Variants in PARD3 observed in about 807,000 individuals in gnomAD.
The protein encoded by PARD3 is par-3 family cell polarity regulator.
PARD3 carries 75 observed loss-of-function variants against 155.4 expected under a neutral mutation model. The ratio of observed to expected loss-of-function variants is 0.48; its 90% CI spans 0.40 to 0.58. The LOEUF is 0.58. Ranked by LOEUF, PARD3 falls within the 20% of genes least tolerant of loss-of-function variation. PARD3 has a pLI of 0.00. For missense variants in PARD3, 1,642 were observed against 1,721.7 expected (o/e 0.95, Z 0.82); for synonymous variants, 576 against 610.5 (o/e 0.94, Z 0.83).
chr10:34,340,607 C>T (rs945036967), intron 16 of PARD3, among the ~76,000 whole-genome samples: 1 of 152,012 alleles, frequency 6.6e-6, no homozygotes, highest in African/African-American at 2.4e-5. Flanking sequence ...GTGATTTATT[C>T]CAAGAGAACA....
At chr10:34,777,008 T>C (rs1839661868) in intron 1 of PARD3, among the ~76,000 whole-genome samples, 1 of 147,966 alleles carries the variant, frequency 6.8e-6, no homozygotes, top group Admixed American at 6.7e-5. Flanking sequence ...GGCTAATTTT[T>C]TTTTTTTTTT....
At chr10:34,411,517 C>A (rs1589470689) in intron 5 of PARD3, among the ~76,000 whole-genome samples, 1 of 152,052 alleles carries the variant, frequency 6.6e-6, no homozygotes, top group African/African-American at 2.4e-5. Flanking sequence ...GACTGCTGAG[C>A]TGAGATACTG....
intron 22 of PARD3, among the ~76,000 whole-genome samples, chr10:34,190,414 TTAA>T (rs1950654204): frequency 6.6e-6 from 1 of 152,244 alleles, no homozygotes; most frequent in African/African-American, 2.4e-5. Context: ...ATAATAATAC[TTAA>T]TAAGTTCATT....
intron 22 of PARD3, among the ~76,000 whole-genome samples, chr10:34,213,372 G>A (rs1951846755): frequency 6.6e-6 from 1 of 152,148 alleles, no homozygotes; most frequent in African/African-American, 2.4e-5. Context: ...CTATTCATGA[G>A]GATCTGCCTC....
chr10:34,292,725 T>A (rs2799447), intron 20 of PARD3, among the ~76,000 whole-genome samples: 4,575 of 152,144 alleles, frequency 0.03, 106 homozygotes, highest in Non-Finnish European at 0.047. Context: ...TATTATTATT[T>A]TTTTTTTTAA....
chr10:34,257,150 G>C (rs2133779406), intron 22 of PARD3, among the ~76,000 whole-genome samples: 1 of 152,306 alleles, frequency 6.6e-6, no homozygotes, highest in East Asian at 1.9e-4. Flanking sequence ...CCAAGGAAAA[G>C]CTCTAGAACA....
At chr10:34,488,051 T>C (rs894480835) in intron 3 of PARD3, among the ~76,000 whole-genome samples, 2 of 152,170 alleles carry the variant, frequency 1.3e-5, no homozygotes, top group Admixed American at 6.5e-5. Context: ...AAAAGCGTAA[T>C]CTTTTTCTCT....
intron 1 of PARD3, among the ~76,000 whole-genome samples, chr10:34,734,866 T>G (rs530464007): frequency 5.9e-5 from 9 of 152,086 alleles, no homozygotes; most frequent in Non-Finnish European, 1.3e-4. Context: ...GCCAGGAAGT[T>G]TAACATTTCT....
At chr10:34,158,146 A>C (rs1194845639) in intron 22 of PARD3, among the ~76,000 whole-genome samples, 1 of 152,204 alleles carries the variant, frequency 6.6e-6, no homozygotes, top group Admixed American at 6.5e-5. Context: ...TAGGAGGTTG[A>C]GGCAGGAGGA....
chr10:34,737,070 G>C (rs761102228), intron 1 of PARD3, among the ~76,000 whole-genome samples: 1 of 152,174 alleles, frequency 6.6e-6, no homozygotes, highest in South Asian at 2.1e-4. Context: ...AATCCCAACT[G>C]AGAACAGCAA....
intron 14 of PARD3, among the ~76,000 whole-genome samples, chr10:34,352,338 G>GCTCCCCT (rs539459773): frequency 6.6e-5 from 10 of 151,152 alleles, no homozygotes; most frequent in East Asian, 5.8e-4. Flanking sequence ...ACTCTTTTTT[G>GCTCCCCT]CTCCCCTCTC....
At chr10:34,701,563 G>A (rs925636800) in intron 1 of PARD3, among the ~76,000 whole-genome samples, 4 of 152,122 alleles carry the variant, frequency 2.6e-5, no homozygotes, top group Non-Finnish European at 4.4e-5. Context: ...AAGAGGCTCT[G>A]GAATGGGGAG....
intron 2 of PARD3, among the ~76,000 whole-genome samples, chr10:34,519,820 AATAACATAACATAACATAAC>A (rs59584708): frequency 9.3e-4 from 124 of 133,964 alleles, no homozygotes; most frequent in Middle Eastern, 3.6e-3. Context: ...TCTCAAAATA[AATAACATAACATAACATAAC>A]ATAACATAAC....
chr10:34,119,839 A>G, intron 23 of PARD3, 99 bp from the exon 24 acceptor site: 1 of 1,119,958 alleles, frequency 8.9e-7, no homozygotes, highest in Non-Finnish European at 1.2e-6. Context: ...TGACTTTGAA[A>G]ATTTTGAAAA....
intron 2 of PARD3, among the ~76,000 whole-genome samples, chr10:34,591,573 G>A (rs1231799800): frequency 6.6e-6 from 1 of 152,168 alleles, no homozygotes. Flanking sequence ...GATGGAGCAT[G>A]ACTTGTCGAT....
At chr10:34,301,818 CTTTTT>C (rs5784408) in intron 20 of PARD3, among the ~76,000 whole-genome samples, 1 of 125,870 alleles carries the variant, frequency 7.9e-6, no homozygotes, top group African/African-American at 3.0e-5. Flanking sequence ...TTTCTCCTTT[CTTTTT>C]TTTTTTTTTT....
rs562272670 is a variant in PARD3, at chr10:34,362,373, CA to C, written c.1708-2115del. Among the ~76,000 whole-genome samples the C allele has an allele frequency of 4.5e-4, 69 of 151,940 alleles. No homozygotes were observed. The East Asian group carries it at 5.2e-3, about 11-fold the overall frequency. ...TCAAATAAAACCAATGTATTGTGGG[CA>C]AAAAAAGATCAAATATATCAAATAC... On this transcript the variant is annotated intron_variant, in intron 12 of 24. Coordinates refer to ENST00000374788, the MANE Select transcript of PARD3 (RefSeq NM_001184785.2).
intron 9 of PARD3, among the ~76,000 whole-genome samples, chr10:34,378,890 C>T (rs892588257): frequency 6.6e-6 from 1 of 152,164 alleles, no homozygotes; most frequent in African/African-American, 2.4e-5. Flanking sequence ...GCTTTCTTGA[C>T]AGACAGTCTT....
At position 34,480,960 on chromosome 10, in the gene PARD3, T is replaced by A. The variant is rs2079049291; in HGVS notation, c.404-10697A>T. Among the ~76,000 whole-genome samples, 10 of 151,636 alleles carry A rather than the reference T, an allele frequency of 6.6e-5. No individual in the cohort carries two copies. The South Asian group carries it at 2.1e-3, about 32-fold the overall frequency. The stretch of plus-strand genomic sequence containing the variant: ...GGGATTACAGGTGCCTGCCACCACA[T>A]CTGCATAATTTTTGTAATTTTAATA... On this transcript the variant is annotated intron_variant, in intron 3 of 24. Coordinates refer to ENST00000374788, the MANE Select transcript of PARD3 (RefSeq NM_001184785.2).
Sources: gnomAD v4.1 joint callset for allele counts (sites outside exome capture counted in the v4.1 genomes callset) on GRCh38, gnomAD v4.1.1 for gene constraint, MANE v1.5 for transcripts, NCBI Gene and HGNC (gene_info 2026-07-23, HGNC 2026-07-21) for gene names.